Variants in ANKIB1 observed in about 807,000 individuals in gnomAD.
ANKIB1 encodes the protein ankyrin repeat and IBR domain-containing protein 1.
Under a neutral mutation model 122.1 loss-of-function variants are expected in ANKIB1, and 43 were observed. The observed-to-expected ratio is 0.35, with a 90% CI of 0.28 to 0.45. The LOEUF (loss-of-function observed/expected upper bound fraction) is 0.45, where lower values mean the gene tolerates loss of function less well. Among genes scored for constraint, ANKIB1 ranks in the 20% least tolerant of loss-of-function variants. The pLI is 1.00. For synonymous variants in ANKIB1, 390 were observed against 442.0 expected (o/e 0.88, Z 1.48); for missense variants, 992 against 1,329.5 (o/e 0.75, Z 3.95).
In ANKIB1 at chr7:92,288,695, C is replaced by T. The variant is rs575245734; in HGVS notation, c.-90-6194C>T. On this transcript the variant is annotated intron_variant, in intron 1 of 19. Coordinates refer to ENST00000265742, the MANE Select transcript of ANKIB1 (RefSeq NM_019004.2). ...AATAATATTTCATCTTAAAAATGGG[C>T]GAAAGATTTATTTAAACAGACACTT... Among the ~76,000 whole-genome samples, 9 of 152,008 alleles carry T rather than the reference C, an allele frequency of 5.9e-5. No homozygotes were observed. In the South Asian group the frequency reaches 6.2e-4, roughly 11 times the overall value.
intron 14 of ANKIB1, among the ~76,000 whole-genome samples, chr7:92,388,246 C>T (rs981631546): frequency 3.3e-5 from 5 of 152,214 alleles, no homozygotes; most frequent in African/African-American, 7.2e-5. Context: ...GCCTCCTCCT[C>T]TTGATGCAGC....
intron 2 of ANKIB1, among the ~76,000 whole-genome samples, chr7:92,297,913 A>G (rs966559499): frequency 6.6e-6 from 1 of 151,838 alleles, no homozygotes; most frequent in African/African-American, 2.4e-5. Context: ...TGCTTTTCCC[A>G]CTTTTAAGAA....
At chr7:92,369,653 C>G (rs146942138) in intron 10 of ANKIB1, among the ~76,000 whole-genome samples, 1 of 152,282 alleles carries the variant, frequency 6.6e-6, no homozygotes, top group African/African-American at 2.4e-5. Context: ...GTAGAGCCAA[C>G]CATTTACCCC....
At chr7:92,263,717 C>A (rs1801609477) in intron 1 of ANKIB1, among the ~76,000 whole-genome samples, 1 of 152,112 alleles carries the variant, frequency 6.6e-6, no homozygotes. Context: ...CTGATAGTTA[C>A]CATTATAGTC....
intron 5 of ANKIB1, among the ~76,000 whole-genome samples, chr7:92,331,688 C>T (rs77817955): frequency 2.0e-3 from 302 of 152,284 alleles, no homozygotes; most frequent in Non-Finnish European, 3.2e-3. Context: ...GTTTTATGAG[C>T]CACTCCTGTA....
At chr7:92,319,786 T>C (rs577960187) in intron 4 of ANKIB1, 17 of 321,132 alleles carry the variant, frequency 5.3e-5, no homozygotes, top group African/African-American at 3.8e-4. Flanking sequence ...ATTTTAAAAA[T>C]TTGCCAGGAA....
At chr7:92,343,549 C>T (rs1803477182) in intron 6 of ANKIB1, among the ~76,000 whole-genome samples, 1 of 152,008 alleles carries the variant, frequency 6.6e-6, no homozygotes, top group Non-Finnish European at 1.5e-5. Context: ...AAATACAGGC[C>T]AGGCACAGTA....
chr7:92,333,301 C>G (rs1446996889), intron 5 of ANKIB1, among the ~76,000 whole-genome samples: 3 of 152,178 alleles, frequency 2.0e-5, no homozygotes, highest in Non-Finnish European at 4.4e-5. Context: ...CTGCCTGTTT[C>G]TCTAGCCTTA....
Position 92,386,514 on chromosome 7 carries a change from G to A in ANKIB1, c.1623G>A (p.Lys541=), listed in dbSNP as rs1804653904. ...ATCTGTGTTTTCTTTTGAAGTGCAAGTATGACTTTTGCTGGATTTGCCTTG... is the reference window on the plus strand; with the variant it reads ...ATCTGTGTTTTCTTTTGAAGTGCAAATATGACTTTTGCTGGATTTGCCTTG... The part of the protein sequence containing the change: ...GCNHMQCAKC[K]YDFCWICLEE... Residue 541 remains lysine, a synonymous_variant, in exon 12 of 20, where the codon AAG becomes AAA. Coordinates refer to ENST00000265742, the MANE Select transcript of ANKIB1 (RefSeq NM_019004.2). The A allele has an allele frequency of 1.3e-6, 2 of 1,592,136 alleles. No individual in the cohort carries two copies. The highest frequency in any genetic ancestry group is 2.3e-5 in the East Asian group (1 of 43,964).
chr7:92,363,027 A>G (rs958271774), intron 10 of ANKIB1, among the ~76,000 whole-genome samples: 1 of 152,078 alleles, frequency 6.6e-6, no homozygotes, highest in Non-Finnish European at 1.5e-5. Flanking sequence ...AAAAAATATA[A>G]GTGAAAATTA....
At chr7:92,281,641 A>G (rs1419214557) in intron 1 of ANKIB1, among the ~76,000 whole-genome samples, 1 of 152,244 alleles carries the variant, frequency 6.6e-6, no homozygotes, top group South Asian at 2.1e-4. Flanking sequence ...CTCTGACACA[A>G]TATAATACCT....
intron 1 of ANKIB1, among the ~76,000 whole-genome samples, chr7:92,269,482 T>C (rs1010549491): frequency 5.9e-5 from 9 of 152,360 alleles, no homozygotes; most frequent in African/African-American, 1.4e-4. Flanking sequence ...CACATACTGA[T>C]TACTCAGTAA....
intron 7 of ANKIB1, among the ~76,000 whole-genome samples, chr7:92,349,250 G>A (rs1424589820): frequency 6.6e-6 from 1 of 152,164 alleles, no homozygotes; most frequent in Non-Finnish European, 1.5e-5. Context: ...TCACAGAAGT[G>A]AGTGGGAAGA....
At chr7:92,380,040 A>G (rs1428523942) in intron 11 of ANKIB1, among the ~76,000 whole-genome samples, 1 of 152,208 alleles carries the variant, frequency 6.6e-6, no homozygotes, top group Non-Finnish European at 1.5e-5. Flanking sequence ...ACACTGCCAC[A>G]TAAACACTGC....
chr7:92,258,781 A>G (rs1046519756), intron 1 of ANKIB1, among the ~76,000 whole-genome samples: 5 of 152,294 alleles, frequency 3.3e-5, no homozygotes, highest in Admixed American at 3.3e-4. Context: ...TGGAATGGGA[A>G]AAGACAGAGT....
chr7:92,322,704 C>G (rs1239817456), intron 4 of ANKIB1, among the ~76,000 whole-genome samples: 1 of 152,096 alleles, frequency 6.6e-6, no homozygotes, highest in Non-Finnish European at 1.5e-5. Flanking sequence ...TCAGAACATA[C>G]AATCTACATA....
intron 1 of ANKIB1, among the ~76,000 whole-genome samples, chr7:92,252,312 T>C (rs774800414): frequency 1.3e-5 from 2 of 152,148 alleles, no homozygotes; most frequent in African/African-American, 2.4e-5. Context: ...ACCACTCTTA[T>C]GATGATTGCC....
chr7:92,323,262 A>G (rs1802952007), intron 4 of ANKIB1, among the ~76,000 whole-genome samples: 1 of 152,272 alleles, frequency 6.6e-6, no homozygotes, highest in South Asian at 2.1e-4. Flanking sequence ...TTTTCTCCAC[A>G]TTCTTGCTAG....
At chr7:92,327,691 T>G (rs569862859) in intron 4 of ANKIB1, 92 bp from the exon 5 acceptor site, 21 of 523,612 alleles carry the variant, frequency 4.0e-5, no homozygotes, top group African/African-American at 3.8e-4. Context: ...GAACCGTGGA[T>G]ACATTGGACT....
Sources: gnomAD v4.1 joint callset for allele counts (sites outside exome capture counted in the v4.1 genomes callset) on GRCh38, gnomAD v4.1.1 for gene constraint, MANE v1.5 for transcripts, NCBI Gene and HGNC (gene_info 2026-07-23, HGNC 2026-07-21) for gene names.